Variants in B3GALT1 observed in about 807,000 individuals in gnomAD.
B3GALT1 encodes the protein beta-1,3-galactosyltransferase 1, also known as UDP-Gal:betaGlcNAc beta 1,3-galactosyltransferase, polypeptide 1.
B3GALT1 carries 10 observed loss-of-function variants against 23.2 expected under a neutral mutation model. That is an observed-to-expected ratio of 0.43 (90% CI 0.27 to 0.73). The LOEUF (loss-of-function observed/expected upper bound fraction) is 0.73. Among genes scored for constraint, B3GALT1 ranks in the 30% least tolerant of loss-of-function variants. The pLI is 0.21. For missense variants in B3GALT1, 299 were observed against 405.4 expected (o/e 0.74, Z 2.25); for synonymous variants, 156 against 141.5 (o/e 1.10, Z -0.73).
chr2:167,674,187 T>C (rs1686383914), intron 3 of B3GALT1, among the ~76,000 whole-genome samples: 1 of 152,100 alleles, frequency 6.6e-6, no homozygotes, highest in African/African-American at 2.4e-5. Context: ...TTTGCAACTG[T>C]GAATCAAATA....
At chr2:167,546,085 T>G (rs1177962282) in intron 2 of B3GALT1, among the ~76,000 whole-genome samples, 2 of 152,200 alleles carry the variant, frequency 1.3e-5, no homozygotes, top group Non-Finnish European at 1.5e-5. Flanking sequence ...TTTTGGATTT[T>G]GGAGCATTTT....
At chr2:167,627,437 G>C (rs961520234) in intron 2 of B3GALT1, among the ~76,000 whole-genome samples, 3 of 151,580 alleles carry the variant, frequency 2.0e-5, no homozygotes, top group Admixed American at 6.6e-5. Flanking sequence ...ATAACTTTTT[G>C]AGTCTGGCAT....
At chr2:167,826,772 GATAAT>G (rs1018969022) in intron 4 of B3GALT1, among the ~76,000 whole-genome samples, 4 of 152,092 alleles carry the variant, frequency 2.6e-5, no homozygotes, top group African/African-American at 4.8e-5. Context: ...AACAATAAAA[GATAAT>G]ATAAGTAAAA....
intron 3 of B3GALT1, among the ~76,000 whole-genome samples, chr2:167,815,871 A>G (rs546089492): frequency 1.3e-5 from 2 of 152,316 alleles, no homozygotes; most frequent in East Asian, 1.9e-4. Context: ...TCTACAGTCA[A>G]TTTTCAATTA....
chr2:167,547,271 C>T (rs1683654702), intron 2 of B3GALT1, among the ~76,000 whole-genome samples: 1 of 152,168 alleles, frequency 6.6e-6, no homozygotes, highest in South Asian at 2.1e-4. Flanking sequence ...CAATGTACAT[C>T]TGCACATTAA....
intron 3 of B3GALT1, among the ~76,000 whole-genome samples, chr2:167,801,659 T>C (rs1006888869): frequency 2.0e-5 from 3 of 152,212 alleles, no homozygotes; most frequent in Non-Finnish European, 4.4e-5. Context: ...AAAATAATAG[T>C]GCATTTGCTT....
rs375036584 is a variant in B3GALT1, at chr2:167,512,591, T to TAC, written c.-410+22314_-410+22315insAC. On this transcript the variant is annotated intron_variant, in intron 2 of 4. Coordinates refer to ENST00000392690, the MANE Select transcript of B3GALT1 (RefSeq NM_020981.4). ...ATGTATATATATATGTATATATATA[T>TAC]GTGTATATATATATATGTATATATA... Among the ~76,000 whole-genome samples the TAC allele has an allele frequency of 7.6e-4, 32 of 41,854 alleles. 2 individuals carry two copies. The East Asian group carries it at 0.02, about 26-fold the overall frequency. 27.5% of individuals were successfully genotyped at this position (41,854 alleles called of 152,430 possible). A position where few individuals can be genotyped will look rare whatever the true frequency, so the allele number is the denominator to read the frequency against.
chr2:167,569,870 TGGG>T (rs1406173560), intron 2 of B3GALT1, among the ~76,000 whole-genome samples: 2 of 151,888 alleles, frequency 1.3e-5, no homozygotes, highest in African/African-American at 2.4e-5. Flanking sequence ...TTATCATGAA[TGGG>T]TGTTGAATTA....
At chr2:167,425,590 G>A (rs961081737) in intron 1 of B3GALT1, among the ~76,000 whole-genome samples, 2 of 152,212 alleles carry the variant, frequency 1.3e-5, no homozygotes, top group African/African-American at 4.8e-5. Context: ...CCAGATTTGG[G>A]TTATCAGAAT....
intron 1 of B3GALT1, among the ~76,000 whole-genome samples, chr2:167,377,755 A>G (rs922790840): frequency 5.3e-5 from 8 of 152,026 alleles, no homozygotes; most frequent in African/African-American, 1.7e-4. Flanking sequence ...GCAGACAGGT[A>G]AGTCTTGTTT....
chr2:167,455,450 T>C (rs1384580487), intron 1 of B3GALT1, among the ~76,000 whole-genome samples: 1 of 152,190 alleles, frequency 6.6e-6, no homozygotes, highest in Admixed American at 6.5e-5. Context: ...AAGTGCCATT[T>C]CTCCATCATC....
At chr2:167,798,975 C>A (rs1262888452) in intron 3 of B3GALT1, among the ~76,000 whole-genome samples, 3 of 152,092 alleles carry the variant, frequency 2.0e-5, no homozygotes, top group Non-Finnish European at 4.4e-5. Flanking sequence ...AATATGTGAC[C>A]CATAGTAGGG....
At chr2:167,835,207 C>A (rs112718964) in intron 4 of B3GALT1, among the ~76,000 whole-genome samples, 3 of 152,222 alleles carry the variant, frequency 2.0e-5, no homozygotes, top group African/African-American at 7.2e-5. Context: ...GCACACCATG[C>A]GCGAGCCGAA....
At chr2:167,443,972 T>G (rs1381522134) in intron 1 of B3GALT1, among the ~76,000 whole-genome samples, 1 of 152,214 alleles carries the variant, frequency 6.6e-6, no homozygotes, top group African/African-American at 2.4e-5. Flanking sequence ...GCTTCCAGTT[T>G]TTGCCCATTC....
At chr2:167,727,875 A>G (rs758202979) in intron 3 of B3GALT1, among the ~76,000 whole-genome samples, 32 of 152,192 alleles carry the variant, frequency 2.1e-4, no homozygotes, top group Non-Finnish European at 7.4e-5. Flanking sequence ...AAATGGATGA[A>G]AGTTAAACAG....
At chr2:167,553,710 T>G (rs1683790815) in intron 2 of B3GALT1, among the ~76,000 whole-genome samples, 1 of 152,158 alleles carries the variant, frequency 6.6e-6, no homozygotes, top group Admixed American at 6.5e-5. Context: ...TTTTTCTTAG[T>G]GATAGAAACA....
At chr2:167,690,932 ACT>A (rs1297804939) in intron 3 of B3GALT1, among the ~76,000 whole-genome samples, 4 of 152,102 alleles carry the variant, frequency 2.6e-5, no homozygotes, top group South Asian at 2.1e-4. Flanking sequence ...TCAGTTTTTA[ACT>A]CTCTGGCTGA....
At chr2:167,699,378 C>CTGT (rs1285786645) in intron 3 of B3GALT1, among the ~76,000 whole-genome samples, 4 of 78,684 alleles carry the variant, frequency 5.1e-5, no homozygotes, top group African/African-American at 2.0e-4. Flanking sequence ...GCCATTATTT[C>CTGT]TATTTTTTTT....
intron 2 of B3GALT1, among the ~76,000 whole-genome samples, chr2:167,642,997 T>C (rs768304148): frequency 8.5e-5 from 13 of 152,170 alleles, no homozygotes; most frequent in East Asian, 1.9e-4. Flanking sequence ...ACCATAGTTA[T>C]GTGTAAGGAT....
Sources: gnomAD v4.1 joint callset for allele counts (sites outside exome capture counted in the v4.1 genomes callset) on GRCh38, gnomAD v4.1.1 for gene constraint, MANE v1.5 for transcripts, NCBI Gene and HGNC (gene_info 2026-07-23, HGNC 2026-07-21) for gene names.